The following SEMA3C variants were observed in gnomAD, a reference collection of about 807,000 sequenced individuals.
The protein encoded by SEMA3C is semaphorin-3C.
In SEMA3C, 47 loss-of-function variants were observed where a neutral mutation model predicts 89.4. That is an observed-to-expected ratio of 0.53 (90% CI 0.42 to 0.67). SEMA3C has a LOEUF of 0.67. SEMA3C is among the 30% of genes least tolerant of loss of function. The pLI is 0.00. For synonymous variants in SEMA3C, 310 were observed against 320.2 expected (o/e 0.97, Z 0.34); for missense variants, 839 against 929.1 (o/e 0.90, Z 1.26).
rs182767213 is a variant in SEMA3C at position 80,773,300 on chromosome 7, G to A, written c.1355-8057C>T. On this transcript the variant is annotated intron_variant, in intron 12 of 17. Coordinates refer to ENST00000265361, the MANE Select transcript of SEMA3C (RefSeq NM_006379.5). The stretch of plus-strand genomic sequence containing the variant: ...ATGTTTTGAAAATTAGAGTATATAC[G>A]ATTTATGAAATTGTAAAAATAATGA... Among the ~76,000 whole-genome samples, 259 of 152,064 alleles carry A rather than the reference G, an allele frequency of 1.7e-3. 1 individual carries two copies. Among genetic ancestry groups the A allele is most frequent in the African/African-American group, 5.9e-3 (244 of 41,486 alleles).
intron 2 of SEMA3C, among the ~76,000 whole-genome samples, chr7:80,872,802 A>ATC: frequency 2.7e-5 from 4 of 147,792 alleles, no homozygotes; most frequent in African/African-American, 2.5e-5. Flanking sequence ...TCTGTCAAAA[A>ATC]AAAAAAAAAA....
intron 12 of SEMA3C, among the ~76,000 whole-genome samples, chr7:80,776,365 T>A (rs1788550032): frequency 6.6e-6 from 1 of 152,178 alleles, no homozygotes; most frequent in Admixed American, 6.5e-5. Flanking sequence ...ATTCTCGTTT[T>A]GCACTTGCAA....
chr7:80,818,480 C>A, intron 4 of SEMA3C, 62 bp from the exon 5 acceptor site: 1 of 1,543,448 alleles, frequency 6.5e-7, no homozygotes, highest in South Asian at 1.2e-5. Context: ...TTTCAGTTAG[C>A]TATGTTAACC....
intron 2 of SEMA3C, among the ~76,000 whole-genome samples, chr7:80,873,709 C>A (rs1791128780): frequency 6.6e-6 from 1 of 152,094 alleles, no homozygotes; most frequent in Non-Finnish European, 1.5e-5. Context: ...TCTAGGAGGG[C>A]CTTTTGTAGT....
Position 80,768,240 on chromosome 7 carries a change from G to A in SEMA3C, c.1355-2997C>T, listed in dbSNP as rs558434554. Among the ~76,000 whole-genome samples the A allele has an allele frequency of 3.0e-4, 46 of 152,282 alleles. No individual in the cohort carries two copies. In the East Asian group the frequency reaches 7.9e-3, roughly 26 times the overall value. The stretch of plus-strand genomic sequence containing the variant: ...TTAGAATTACCTCTGATAGCCGGGC[G>A]TGGTGGCTCACGCCTGTAATCCCAG... On this transcript the variant is annotated intron_variant, in intron 12 of 17. Transcript: ENST00000265361.
At chr7:80,888,115 T>G (rs1287071615) in intron 2 of SEMA3C, among the ~76,000 whole-genome samples, 3 of 151,988 alleles carry the variant, frequency 2.0e-5, no homozygotes, top group Non-Finnish European at 4.4e-5. Flanking sequence ...CTAGGCAACT[T>G]AAAAAGAAAT....
intron 12 of SEMA3C, among the ~76,000 whole-genome samples, chr7:80,771,786 C>T (rs1788440492): frequency 6.6e-6 from 1 of 152,104 alleles, no homozygotes; most frequent in Non-Finnish European, 1.5e-5. Flanking sequence ...GAGATCTGGC[C>T]AGTCCCTTCC....
At chr7:80,876,713 C>T (rs12669508) in intron 2 of SEMA3C, among the ~76,000 whole-genome samples, 20,523 of 152,132 alleles carry the variant, frequency 0.13, 2,459 homozygotes, top group African/African-American at 0.32. Flanking sequence ...AAATAGTTGC[C>T]TCTGCATTAT....
At chr7:80,847,766 G>A (rs1790423899) in intron 2 of SEMA3C, among the ~76,000 whole-genome samples, 1 of 152,130 alleles carries the variant, frequency 6.6e-6, no homozygotes, top group Non-Finnish European at 1.5e-5. Flanking sequence ...AAACAAGCAA[G>A]GTGTCATTGT....
At chr7:80,871,016 C>T (rs1362856477) in intron 2 of SEMA3C, among the ~76,000 whole-genome samples, 2 of 152,184 alleles carry the variant, frequency 1.3e-5, no homozygotes, top group East Asian at 3.8e-4. Context: ...CTTTAATTTA[C>T]GTTCCTCTAT....
At chr7:80,763,431 C>T (rs1788229707) in intron 13 of SEMA3C, among the ~76,000 whole-genome samples, 1 of 152,180 alleles carries the variant, frequency 6.6e-6, no homozygotes, top group African/African-American at 2.4e-5. Context: ...ATCACTGGCA[C>T]ACACATCAGT....
chr7:80,747,302 T>C (rs889528664), intron 17 of SEMA3C, among the ~76,000 whole-genome samples: 11 of 152,154 alleles, frequency 7.2e-5, no homozygotes, highest in African/African-American at 2.7e-4. Flanking sequence ...CACATTCCAT[T>C]TTAAATTTTA....
chr7:80,761,059 G>T (rs1476793114), intron 14 of SEMA3C, among the ~76,000 whole-genome samples: 1 of 151,918 alleles, frequency 6.6e-6, no homozygotes, highest in Non-Finnish European at 1.5e-5. Context: ...TTAATTTGAG[G>T]ATTTCAATTA....
At chr7:80,878,153 G>A (rs1204207865) in intron 2 of SEMA3C, among the ~76,000 whole-genome samples, 4 of 152,128 alleles carry the variant, frequency 2.6e-5, no homozygotes, top group Admixed American at 1.3e-4. Flanking sequence ...TGAGGTGGGC[G>A]GATCACCTGA....
intron 2 of SEMA3C, among the ~76,000 whole-genome samples, chr7:80,912,197 A>G (rs1395051500): frequency 6.6e-6 from 1 of 152,190 alleles, no homozygotes; most frequent in Non-Finnish European, 1.5e-5. Context: ...TTTTTTCTCT[A>G]GGAGAAATCC....
At chr7:80,750,321 G>C (rs1787895113) in intron 16 of SEMA3C, among the ~76,000 whole-genome samples, 1 of 151,070 alleles carries the variant, frequency 6.6e-6, no homozygotes. Flanking sequence ...AGGCACTATA[G>C]TACACCCATG....
At chr7:80,865,190 G>C (rs1193753594) in intron 2 of SEMA3C, among the ~76,000 whole-genome samples, 2 of 152,086 alleles carry the variant, frequency 1.3e-5, no homozygotes, top group African/African-American at 4.8e-5. Context: ...AGAAATAAAT[G>C]TATGGAAGTA....
chr7:80,878,790 G>A (rs949098856), intron 2 of SEMA3C, among the ~76,000 whole-genome samples: 1 of 152,066 alleles, frequency 6.6e-6, no homozygotes, highest in African/African-American at 2.4e-5. Flanking sequence ...TGGAAGCCTT[G>A]GCAGTGATGA....
At chr7:80,764,884 A>G (rs1788262015) in intron 13 of SEMA3C, among the ~76,000 whole-genome samples, 1 of 152,210 alleles carries the variant, frequency 6.6e-6, no homozygotes, top group South Asian at 2.1e-4. Context: ...TTTTTTAAAA[A>G]TAATGATGAC....
Sources: allele counts gnomAD v4.1 joint callset (sites outside exome capture counted in the v4.1 genomes callset), GRCh38; gene constraint gnomAD v4.1.1; transcripts MANE v1.5; gene names NCBI Gene and HGNC (gene_info 2026-07-23, HGNC 2026-07-21).